Variants in CDH12 observed in about 807,000 individuals in gnomAD.
CDH12 encodes cadherin-12.
In CDH12, 41 loss-of-function variants were observed where a neutral mutation model predicts 74.1. The observed-to-expected ratio is 0.55, with a 90% CI of 0.43 to 0.72. The LOEUF (loss-of-function observed/expected upper bound fraction) is 0.72. Among genes scored for constraint, CDH12 ranks in the 30% least tolerant of loss-of-function variants. The pLI, the probability that CDH12 is intolerant of heterozygous loss-of-function variation, is 0.00. For missense variants in CDH12, 945 were observed against 977.2 expected (o/e 0.97, Z 0.44); for synonymous variants, 399 against 355.0 (o/e 1.12, Z -1.39).
chr5:21,925,135 A>G (rs912659165), intron 6 of CDH12, among the ~76,000 whole-genome samples: 12 of 152,224 alleles, frequency 7.9e-5, no homozygotes, highest in Non-Finnish European at 1.5e-4. Context: ...TCAAATTCTG[A>G]ATATTCCTGA....
intron 1 of CDH12, among the ~76,000 whole-genome samples, chr5:22,618,970 G>A (rs992683904): frequency 3.3e-5 from 5 of 151,990 alleles, no homozygotes; most frequent in African/African-American, 1.2e-4. Flanking sequence ...CCATCATTGT[G>A]AGACCTCCCC....
chr5:22,442,375 G>A (rs1007013394), intron 2 of CDH12, among the ~76,000 whole-genome samples: 5 of 152,182 alleles, frequency 3.3e-5, no homozygotes, highest in African/African-American at 1.2e-4. Flanking sequence ...AATGGTGGTG[G>A]GAGCCTGTAG....
At chr5:22,194,628 G>A (rs2150349400) in intron 4 of CDH12, among the ~76,000 whole-genome samples, 1 of 152,162 alleles carries the variant, frequency 6.6e-6, no homozygotes, top group African/African-American at 2.4e-5. Flanking sequence ...CACCGTGACT[G>A]GCCTCCCCAC....
chr5:22,340,840 C>T lies in CDH12; in HGVS notation c.-333+64417G>A, dbSNP rs535833003. Among the ~76,000 whole-genome samples the T allele has an allele frequency of 4.6e-5, 7 of 152,144 alleles. No homozygotes were observed. The East Asian group carries it at 9.7e-4, about 21-fold the overall frequency. On this transcript the variant is annotated intron_variant, in intron 3 of 14. Coordinates refer to ENST00000382254, the MANE Select transcript of CDH12 (RefSeq NM_004061.5). ...TCTGAGTGTCTTCATTTCATTTATT[C>T]TTCAGAATAACTTGGAATACTGAAG... is the stretch of plus-strand genomic sequence containing the variant.
intron 3 of CDH12, among the ~76,000 whole-genome samples, chr5:22,263,966 C>T (rs1356096098): frequency 6.6e-6 from 1 of 151,686 alleles, no homozygotes; most frequent in Non-Finnish European, 1.5e-5. Flanking sequence ...TTGCCATTTG[C>T]TAATTTCTTT....
At chr5:22,739,080 G>T (rs74624044) in intron 1 of CDH12, among the ~76,000 whole-genome samples, 1 of 151,742 alleles carries the variant, frequency 6.6e-6, no homozygotes, top group South Asian at 2.1e-4. Context: ...AGAAAATCAC[G>T]ATTAAAACTA....
At chr5:21,755,120 G>A (rs1002495685) in intron 14 of CDH12, among the ~76,000 whole-genome samples, 5 of 152,070 alleles carry the variant, frequency 3.3e-5, no homozygotes, top group African/African-American at 9.7e-5. Flanking sequence ...CTTTCTGTTC[G>A]CTCTTTTATC....
At chr5:21,905,110 G>T (rs959980916) in intron 6 of CDH12, among the ~76,000 whole-genome samples, 1 of 152,150 alleles carries the variant, frequency 6.6e-6, no homozygotes, top group African/African-American at 2.4e-5. Flanking sequence ...ATAGAAAAAG[G>T]TATCAAAAAT....
chr5:22,375,591 T>C lies in CDH12; in HGVS notation c.-333+29666A>G, dbSNP rs577417064. On this transcript the variant is annotated intron_variant, in intron 3 of 14. Transcript: ENST00000382254. The stretch of plus-strand genomic sequence containing the variant: ...AGAATACATGAGGAACTCAAACAAT[T>C]CAGCAATAAAACAGACACAAATAAT... Among the ~76,000 whole-genome samples the C allele has an allele frequency of 3.3e-5, 5 of 152,104 alleles. No individual in the cohort carries two copies. In the East Asian group the frequency reaches 9.7e-4, roughly 29 times the overall value.
chr5:22,679,730 A>G (rs891240142), intron 1 of CDH12, among the ~76,000 whole-genome samples: 7 of 152,100 alleles, frequency 4.6e-5, no homozygotes. Context: ...CTATTCCTTC[A>G]TTAGTCCAGA....
At chr5:21,888,600 A>T (rs1185730544) in intron 6 of CDH12, among the ~76,000 whole-genome samples, 2 of 152,118 alleles carry the variant, frequency 1.3e-5, no homozygotes, top group African/African-American at 4.8e-5. Context: ...TAATAATAAA[A>T]AAAAGAAGTA....
intron 1 of CDH12, among the ~76,000 whole-genome samples, chr5:22,810,737 G>A (rs577372153): frequency 3.8e-4 from 58 of 152,062 alleles, no homozygotes; most frequent in African/African-American, 1.1e-3. Context: ...AAAATTAACC[G>A]GGCCAGTGGT....
chr5:22,201,377 C>T (rs564235742), intron 4 of CDH12, among the ~76,000 whole-genome samples: 3 of 152,196 alleles, frequency 2.0e-5, no homozygotes, highest in South Asian at 4.2e-4. Context: ...TTTGTGGCAA[C>T]ATGGATAGAA....
intron 5 of CDH12, among the ~76,000 whole-genome samples, chr5:22,027,251 T>C (rs1013700968): frequency 2.6e-5 from 4 of 152,168 alleles, no homozygotes; most frequent in Non-Finnish European, 5.9e-5. Context: ...TCAATGTTCA[T>C]CAAGGATATT....
intron 2 of CDH12, among the ~76,000 whole-genome samples, chr5:22,424,048 GA>G (rs1208254020): frequency 0.014 from 1,461 of 104,836 alleles, 19 homozygotes; most frequent in African/African-American, 0.048. Context: ...GAAAAAGAAA[GA>G]AAAAAAAAAG....
intron 3 of CDH12, among the ~76,000 whole-genome samples, chr5:22,302,037 TGAGA>T (rs1291828346): frequency 2.0e-5 from 3 of 148,338 alleles, no homozygotes; most frequent in South Asian, 4.3e-4. Context: ...AGAGAGTGAG[TGAGA>T]GAGAGTCTCA....
intron 6 of CDH12, among the ~76,000 whole-genome samples, chr5:21,923,621 G>A (rs1056985686): frequency 2.6e-5 from 4 of 151,964 alleles, no homozygotes; most frequent in Admixed American, 6.6e-5. Flanking sequence ...TCTGATTCCC[G>A]CAGTGATTCC....
At chr5:22,248,035 G>A (rs988168612) in intron 3 of CDH12, among the ~76,000 whole-genome samples, 5 of 152,156 alleles carry the variant, frequency 3.3e-5, no homozygotes, top group Non-Finnish European at 7.4e-5. Context: ...AGTGGCTCAC[G>A]CCTGTAATCC....
At chr5:22,603,267 T>C (rs907533142) in intron 1 of CDH12, among the ~76,000 whole-genome samples, 4 of 152,108 alleles carry the variant, frequency 2.6e-5, no homozygotes, top group African/African-American at 9.7e-5. Context: ...AATGCATGCA[T>C]AAATAAGTAT....
Sources: gnomAD v4.1 joint callset for allele counts (sites outside exome capture counted in the v4.1 genomes callset) on GRCh38, gnomAD v4.1.1 for gene constraint, MANE v1.5 for transcripts, NCBI Gene and HGNC (gene_info 2026-07-23, HGNC 2026-07-21) for gene names.